Variants in PRKCA observed in about 807,000 individuals in gnomAD.
PRKCA encodes the protein protein kinase C alpha.
PRKCA carries 27 observed loss-of-function variants against 87.0 expected under a neutral mutation model. The observed-to-expected ratio is 0.31, with a 90% CI of 0.23 to 0.43. The LOEUF (loss-of-function observed/expected upper bound fraction) is 0.43, where lower values mean the gene tolerates loss of function less well. Ranked by LOEUF, PRKCA falls within the 20% of genes least tolerant of loss-of-function variation. The probability of loss-of-function intolerance (pLI) is 1.00; values close to 1 mark genes in which losing one functional copy is unlikely to be tolerated. For synonymous variants in PRKCA, 329 were observed against 311.1 expected, an observed-to-expected ratio of 1.06 and a Z score of -0.61; for missense variants, 518 against 852.3, an observed-to-expected ratio of 0.61 and a Z score of 4.88.
At chr17:66,688,161 G>C in intron 6 of PRKCA, 141 bp from the exon 7 acceptor site, 1 of 1,015,184 alleles carries the variant, frequency 9.9e-7, no homozygotes, top group South Asian at 1.8e-5. Flanking sequence ...TTGCTTGCCA[G>C]CATAAGGGGT....
intron 8 of PRKCA, among the ~76,000 whole-genome samples, chr17:66,724,407 G>C (rs1207356954): frequency 1.3e-5 from 2 of 152,152 alleles, no homozygotes; most frequent in Non-Finnish European, 2.9e-5. Context: ...AGCCATGGGG[G>C]TCTCCAGCCT....
At chr17:66,564,169 C>T (rs1043763232) in intron 3 of PRKCA, among the ~76,000 whole-genome samples, 2 of 152,014 alleles carry the variant, frequency 1.3e-5, no homozygotes, top group Non-Finnish European at 2.9e-5. Context: ...GGCTCTGCCT[C>T]CCGGGTTCAA....
intron 2 of PRKCA, among the ~76,000 whole-genome samples, chr17:66,350,908 G>A (rs2143420379): frequency 6.6e-6 from 1 of 152,292 alleles, no homozygotes; most frequent in East Asian, 1.9e-4. Context: ...AGTTGACTCT[G>A]GTTTCCTCCC....
At chr17:66,623,964 T>C (rs529461776) in intron 3 of PRKCA, among the ~76,000 whole-genome samples, 26 of 152,210 alleles carry the variant, frequency 1.7e-4, no homozygotes, top group Admixed American at 1.7e-3. Context: ...GGGACTTTCC[T>C]GACCAGGGCA....
At chr17:66,462,604 T>G (rs1378083360) in intron 2 of PRKCA, among the ~76,000 whole-genome samples, 1 of 152,208 alleles carries the variant, frequency 6.6e-6, no homozygotes, top group Non-Finnish European at 1.5e-5. Flanking sequence ...TTTAATCTAC[T>G]GAAGCACATG....
At chr17:66,383,099 A>C (rs1358003792) in intron 2 of PRKCA, among the ~76,000 whole-genome samples, 1 of 126,380 alleles carries the variant, frequency 7.9e-6, no homozygotes, top group Admixed American at 7.6e-5. Flanking sequence ...TAAAATTCAC[A>C]CATTTCTCTC....
chr17:66,573,997 G>A lies in PRKCA; in HGVS notation c.289-67358G>A, dbSNP rs750029009. On this transcript the variant is annotated intron_variant, in intron 3 of 16. Coordinates refer to ENST00000413366, the MANE Select transcript of PRKCA (RefSeq NM_002737.3). ...TATTTTAAAATTTTTTATATGGCCC[G>A]AAGGGTATTAAAGACAACAATGTAA... Among the ~76,000 whole-genome samples, 13 of 152,060 alleles carry A rather than the reference G, an allele frequency of 8.5e-5. No individual in the cohort carries two copies. The East Asian group carries it at 1.3e-3, about 16-fold the overall frequency.
chr17:66,463,154 C>T (rs934807235), intron 2 of PRKCA, among the ~76,000 whole-genome samples: 5 of 152,174 alleles, frequency 3.3e-5, no homozygotes, highest in South Asian at 4.2e-4. Flanking sequence ...CTTCTGTCAC[C>T]GGGAGACAGG....
intron 14 of PRKCA, chr17:66,774,274 C>G: frequency 1.4e-6 from 2 of 1,408,998 alleles, no homozygotes; most frequent in Non-Finnish European, 1.9e-6. Context: ...CATAGAAACT[C>G]CAAATTGAAA....
chr17:66,759,501 G>C (rs548396809), intron 13 of PRKCA, among the ~76,000 whole-genome samples: 1 of 149,768 alleles, frequency 6.7e-6, no homozygotes, highest in South Asian at 2.2e-4. Flanking sequence ...AGCTAAACCC[G>C]CAAGAGGCAG....
intron 8 of PRKCA, among the ~76,000 whole-genome samples, chr17:66,698,231 C>T (rs941945574): frequency 5.9e-5 from 9 of 152,082 alleles, no homozygotes; most frequent in Admixed American, 2.0e-4. Context: ...GTTAAGGAGC[C>T]ATGACATCAC....
At chr17:66,796,930 T>G (rs577761882) in intron 16 of PRKCA, 8 of 985,318 alleles carry the variant, frequency 8.1e-6, no homozygotes, top group Admixed American at 6.1e-5. Context: ...CTCCATAGTC[T>G]TGCAACATCC....
intron 14 of PRKCA, among the ~76,000 whole-genome samples, chr17:66,786,153 A>G (rs1975387694): frequency 6.6e-6 from 1 of 152,168 alleles, no homozygotes; most frequent in Non-Finnish European, 1.5e-5. Context: ...TAAAGAACGA[A>G]GTCATTTGCC....
At chr17:66,618,388 C>T (rs1970575263) in intron 3 of PRKCA, among the ~76,000 whole-genome samples, 1 of 149,342 alleles carries the variant, frequency 6.7e-6, no homozygotes, top group Admixed American at 6.7e-5. Context: ...TCATTCATTT[C>T]TTCGTTCACT....
chr17:66,798,270 T>C lies in PRKCA; in HGVS notation c.1855-5603T>C, dbSNP rs1975716388. Among the ~76,000 whole-genome samples, 3 of 152,240 alleles carry C rather than the reference T, an allele frequency of 2.0e-5. No individual in the cohort carries two copies. The South Asian group carries it at 6.2e-4, about 32-fold the overall frequency. ...ATGAGTAAGGTTAGATCATTGATAG[T>C]AGGAAGAATCTCTTCCACATTAGGA... On this transcript the variant is annotated intron_variant, in intron 16 of 16. Transcript: ENST00000413366.
At chr17:66,751,321 G>A (rs191197339) in intron 13 of PRKCA, among the ~76,000 whole-genome samples, 13 of 152,274 alleles carry the variant, frequency 8.5e-5, no homozygotes, top group Admixed American at 3.9e-4. Context: ...GAGAGGAGAC[G>A]GGACCTGCTC....
In PRKCA at chr17:66,641,382, A is replaced by G. The variant is rs201729185; in HGVS notation, c.316A>G (p.Ile106Val). 1.9e-6 allele frequency: 3 copies of G among 1,612,752 alleles called. No individual in the cohort carries two copies. Among genetic ancestry groups the G allele is most frequent in the Non-Finnish European group, 2.5e-6 (3 of 1,179,246 alleles). The part of the protein sequence containing the change: ...DDPRSKHKFK[I>V]HTYGSPTFCD... Reference sequence around the variant, plus strand: ...CCCCAGGAGCAAGCACAAGTTCAAAATCCACACTTACGGAAGCCCCACCTT... The same window carrying G: ...CCCCAGGAGCAAGCACAAGTTCAAAGTCCACACTTACGGAAGCCCCACCTT... The change falls in exon 4 of 17, where the codon ATC becomes GTC. Residue 106 changes from isoleucine to valine, a missense_variant. Ile to Val is a conservative substitution (Grantham distance 29). Around this residue, in one of 5 missense-constraint regions of PRKCA, gnomAD observed 300 missense variants for 496.8 expected, o/e 0.60. Coordinates refer to ENST00000413366, the MANE Select transcript of PRKCA (RefSeq NM_002737.3).
chr17:66,354,139 C>G (rs532540555), intron 2 of PRKCA, among the ~76,000 whole-genome samples: 4 of 152,270 alleles, frequency 2.6e-5, no homozygotes, highest in African/African-American at 7.2e-5. Flanking sequence ...GAATTGTGTC[C>G]TTGAGTTGGT....
chr17:66,727,922 C>A (rs1486275629), intron 8 of PRKCA, among the ~76,000 whole-genome samples: 1 of 152,188 alleles, frequency 6.6e-6, no homozygotes, highest in African/African-American at 2.4e-5. Flanking sequence ...TCCCCCACCC[C>A]CAGTGATGTA....
Sources: allele counts gnomAD v4.1 joint callset (sites outside exome capture counted in the v4.1 genomes callset), GRCh38; gene constraint gnomAD v4.1.1; regional missense constraint gnomAD v4.1.1; transcripts MANE v1.5; gene names NCBI Gene and HGNC (gene_info 2026-07-23, HGNC 2026-07-21).